The following LSP1 variants were observed in gnomAD, a reference collection of about 807,000 sequenced individuals.
LSP1 encodes the protein lymphocyte-specific protein 1.
In LSP1, 32 loss-of-function variants were observed where a neutral mutation model predicts 49.3. The ratio of observed to expected loss-of-function variants is 0.65; its 90% CI spans 0.49 to 0.87. The LOEUF (loss-of-function observed/expected upper bound fraction) is 0.87. Among genes scored for constraint, LSP1 ranks in the 40% least tolerant of loss-of-function variants. The pLI is 0.00. For missense variants in LSP1, 428 were observed against 442.6 expected (o/e 0.97, Z 0.30); for synonymous variants, 179 against 178.8 (o/e 1.00, Z -0.01).
chr11:1,890,292 G>T, intron 10 of LSP1: 1 of 712,076 alleles, frequency 1.4e-6, no homozygotes, highest in Non-Finnish European at 2.6e-6. Context: ...GGGGCGTGGG[G>T]CTTCAGGAAG....
chr11:1,866,583 C>A lies in LSP1; in HGVS notation c.53+13386C>A, dbSNP rs986034440. 13 of 1,549,602 alleles carry A rather than the reference C, an allele frequency of 8.4e-6. No homozygotes were observed. The African/African-American group carries it at 1.8e-4, about 21-fold the overall frequency. On this transcript the variant is annotated intron_variant, in intron 1 of 10. Transcript: ENST00000311604. ...CTGGCTGGGCACACCTCATCCCAGC[C>A]TCCCCCTACCCCTGGCCCCCCATAA...
Position 1,871,426 on chromosome 11 carries a change from C to T in LSP1, c.54-8661C>T, listed in dbSNP as rs958581726. 8 of 986,214 alleles carry T rather than the reference C, an allele frequency of 8.1e-6. No individual in the cohort carries two copies. In the African/African-American group the frequency reaches 8.7e-5, roughly 11 times the overall value. 61.1% of individuals were successfully genotyped at this position (986,214 alleles called of 1,614,324 possible). A position where few individuals can be genotyped will look rare whatever the true frequency, so the allele number is the denominator to read the frequency against. On this transcript the variant is annotated intron_variant, in intron 1 of 10. Coordinates refer to ENST00000311604, the MANE Select transcript of LSP1 (RefSeq NM_002339.3). ...ACATCAAAAGAGGTAGGGCACCCAGCGCAAGGGAGGTGATGGGCTGGTCAG... is the reference window on the plus strand; with the variant it reads ...ACATCAAAAGAGGTAGGGCACCCAGTGCAAGGGAGGTGATGGGCTGGTCAG...
chr11:1,861,735 ATGGATTGGTGGATGAGTGGATGAG>A (rs1847637913), intron 1 of LSP1, among the ~76,000 whole-genome samples: 1 of 144,010 alleles, frequency 6.9e-6, no homozygotes, highest in Non-Finnish European at 1.5e-5. Context: ...GGATGGATGG[ATGGATTGGTGGATGAGTGGATGAG>A]TGGATGGGTG....
Position 1,884,484 on chromosome 11 carries a change from ATCT to A in LSP1, c.636-12_636-10del, listed in dbSNP as rs770804389. The A allele has an allele frequency of 6.2e-6, 10 of 1,611,714 alleles. No homozygotes were observed. Among genetic ancestry groups the A allele is most frequent in the Non-Finnish European group, 6.8e-6 (8 of 1,178,074 alleles). On this transcript the variant is annotated splice_polypyrimidine_tract_variant and intron_variant, in intron 6 of 10. Coordinates refer to ENST00000311604, the MANE Select transcript of LSP1 (RefSeq NM_002339.3). This position sits in a 1 kb window ranked among gnomAD's most constrained non-coding sequence, Gnocchi z 4.1. ...TTGTGGGAGACATGGGGCCTGACAC[ATCT>A]TCTACCCTCCAGTAACAGTGTGAAG... is the stretch of plus-strand genomic sequence containing the variant.
chr11:1,868,055 C>T (rs918022983), intron 1 of LSP1, among the ~76,000 whole-genome samples: 1 of 152,222 alleles, frequency 6.6e-6, no homozygotes, highest in Non-Finnish European at 1.5e-5. Flanking sequence ...CTCCTGCCTG[C>T]CCCTGGGCAA....
At chr11:1,875,297 C>G (rs940182408) in intron 1 of LSP1, among the ~76,000 whole-genome samples, 2 of 152,152 alleles carry the variant, frequency 1.3e-5, no homozygotes, top group African/African-American at 2.4e-5. Flanking sequence ...CTCCAGGGAG[C>G]CTTCCAGACC....
chr11:1,878,907 T>C (rs1220652843), intron 1 of LSP1, among the ~76,000 whole-genome samples: 2 of 151,994 alleles, frequency 1.3e-5, no homozygotes, highest in Non-Finnish European at 2.9e-5. Context: ...ATCTGAGAGC[T>C]GCTGGGCCGG....
At chr11:1,880,504 C>A (rs1163012008) in intron 2 of LSP1, among the ~76,000 whole-genome samples, 2 of 152,168 alleles carry the variant, frequency 1.3e-5, no homozygotes, top group Non-Finnish European at 2.9e-5. Context: ...CTGACCCCAG[C>A]CACGCAGCCT....
At chr11:1,867,632 A>G (rs1373161520) in intron 1 of LSP1, among the ~76,000 whole-genome samples, 1 of 151,818 alleles carries the variant, frequency 6.6e-6, no homozygotes, top group Non-Finnish European at 1.5e-5. Context: ...TTTCCCGGGG[A>G]CCCCTTGGGT....
chr11:1,889,693 G>A, intron 10 of LSP1: 1 of 638,942 alleles, frequency 1.6e-6, no homozygotes, highest in South Asian at 1.8e-5. Context: ...CCAGCCATCG[G>A]GGGCTCCTCC....
intron 10 of LSP1, chr11:1,890,780 C>A: frequency 1.7e-6 from 1 of 595,946 alleles, no homozygotes; most frequent in Non-Finnish European, 3.0e-6. Flanking sequence ...TTGGGGTGGC[C>A]CCACCATCAC....
chr11:1,853,086 A>G lies in LSP1; in HGVS notation c.-59A>G, dbSNP rs1278454604. ...CGCCCCAGAAAGCACTGAAAGCCACAGCACGTACACCCACTCCAGGGATCT... is the reference window on the plus strand; with the variant it reads ...CGCCCCAGAAAGCACTGAAAGCCACGGCACGTACACCCACTCCAGGGATCT... On this transcript the variant is annotated 5_prime_UTR_variant, in exon 1 of 11. Transcript: ENST00000311604. 9 of 1,561,754 alleles carry G rather than the reference A, an allele frequency of 5.8e-6. No homozygotes were observed. Among genetic ancestry groups the G allele is most frequent in the Non-Finnish European group, 7.8e-6 (9 of 1,147,476 alleles).
chr11:1,863,926 G>A (rs567528181), intron 1 of LSP1, among the ~76,000 whole-genome samples: 81 of 152,264 alleles, frequency 5.3e-4, no homozygotes, highest in African/African-American at 1.6e-3. Flanking sequence ...CACCAGGAAA[G>A]GCAGCAGCCT....
In LSP1 at chr11:1,880,114, C is replaced by G; in HGVS notation, c.81C>G (p.Asp27Glu). ...LGPTAQWSVE[D>E]EEEAVHEQCQ... The stretch of plus-strand genomic sequence containing the variant: ...CCACTGCTCAGTGGAGCGTGGAGGA[C>G]GAGGAGGAGGCCGTCCACGAGCAAT... The change falls in exon 2 of 11, where the codon GAC becomes GAG. Residue 27 changes from aspartate to glutamate, a missense_variant. By Grantham distance (45) the Asp-to-Glu change is conservative. Transcript: ENST00000311604. 1 of 1,609,350 alleles carries G rather than the reference C, an allele frequency of 6.2e-7. No individual in the cohort carries two copies. The highest frequency in any genetic ancestry group is 8.5e-7 in the Non-Finnish European group (1 of 1,177,478).
At chr11:1,865,348 C>T (rs1003809042) in intron 1 of LSP1, 1 of 575,942 alleles carries the variant, frequency 1.7e-6, no homozygotes, top group Non-Finnish European at 2.2e-6. Context: ...CACTGGGCCT[C>T]CCCCCAGCTT....
chr11:1,874,401 C>T (rs372878827), intron 1 of LSP1, among the ~76,000 whole-genome samples: 4 of 151,992 alleles, frequency 2.6e-5, no homozygotes, highest in Non-Finnish European at 4.4e-5. Flanking sequence ...TTCCCGGGAG[C>T]GAGACCTCAG....
intron 1 of LSP1, among the ~76,000 whole-genome samples, chr11:1,858,439 G>T (rs1180379204): frequency 6.6e-6 from 1 of 152,242 alleles, no homozygotes; most frequent in African/African-American, 2.4e-5. Context: ...TGCAGGACCA[G>T]CAAGGTCCTC....
rs1366846876 is a variant in LSP1 at position 1,884,562 on chromosome 11, A to C, written c.698A>C (p.Gln233Pro). 6.2e-7 allele frequency: 1 copy of C among 1,613,860 alleles called. No homozygotes were observed. Among genetic ancestry groups the C allele is most frequent in the Non-Finnish European group, 8.5e-7 (1 of 1,179,904 alleles). Residue 233 changes from glutamine (Q) to proline (P), a missense_variant, in exon 7 of 11, where the codon CAA (glutamine) becomes CCA (proline). Gln to Pro is a moderately conservative substitution (Grantham distance 76, BLOSUM62 -1). Transcript: ENST00000311604. The surrounding 1 kb of genome is among the most constrained non-coding windows in gnomAD (Gnocchi z 4.1). Reference protein sequence around the residue: ...PISKIDQWLEQYTQAIETAGR... With the variant: ...PISKIDQWLEPYTQAIETAGR... ...TCCAAGATTGATCAGTGGCTGGAAC[A>C]ATACACCCAGGCCATCGAGGTATGA...
intron 1 of LSP1, among the ~76,000 whole-genome samples, chr11:1,858,681 G>C (rs1167459004): frequency 6.6e-6 from 1 of 152,230 alleles, no homozygotes; most frequent in Non-Finnish European, 1.5e-5. Flanking sequence ...CAGCCCAGCA[G>C]GGCCCCTTCC....
Sources: allele counts gnomAD v4.1 joint callset (sites outside exome capture counted in the v4.1 genomes callset), GRCh38; gene constraint gnomAD v4.1.1; non-coding constraint Gnocchi (gnomAD v3.1); transcripts MANE v1.5; gene names NCBI Gene and HGNC (gene_info 2026-07-23, HGNC 2026-07-21).